Variants in SLC2A12 observed in about 807,000 individuals in gnomAD.
SLC2A12 encodes the protein solute carrier family 2, facilitated glucose transporter member 12.
A neutral mutation model predicts 41.8 loss-of-function variants in SLC2A12; 23 were observed. That is an observed-to-expected ratio of 0.55 (90% CI 0.40 to 0.78). The LOEUF (loss-of-function observed/expected upper bound fraction) is 0.78. Among genes scored for constraint, SLC2A12 ranks in the 30% least tolerant of loss-of-function variants. The pLI is 0.00. For missense variants in SLC2A12, 654 were observed against 745.6 expected (o/e 0.88, Z 1.43); for synonymous variants, 295 against 285.9 (o/e 1.03, Z -0.32).
intron 2 of SLC2A12, among the ~76,000 whole-genome samples, chr6:134,024,316 G>A (rs1318880952): frequency 6.6e-6 from 1 of 152,098 alleles, no homozygotes; most frequent in Admixed American, 6.5e-5. Flanking sequence ...CTTTTCCTCC[G>A]GCCTGCCCTG....
At chr6:134,021,258 A>G (rs887888234) in intron 2 of SLC2A12, among the ~76,000 whole-genome samples, 1 of 152,036 alleles carries the variant, frequency 6.6e-6, no homozygotes, top group African/African-American at 2.4e-5. Flanking sequence ...CCAATTTGAC[A>G]TTTTTCCTAT....
chr6:134,032,458 ATATATATTTTTATATATATATATATATAT>A (rs1777229661), intron 1 of SLC2A12, among the ~76,000 whole-genome samples: 1 of 35,708 alleles, frequency 2.8e-5, no homozygotes, highest in African/African-American at 1.3e-4. Flanking sequence ...AAATATATAT[ATATATATTTTTATATATATATATATATAT>A]TTGTTCTGTT....
intron 4 of SLC2A12, among the ~76,000 whole-genome samples, chr6:133,997,097 A>C (rs1478661716): frequency 6.7e-6 from 1 of 149,120 alleles, no homozygotes; most frequent in Non-Finnish European, 1.5e-5. Flanking sequence ...AAAAAAAAAA[A>C]AAAAAAAAAA....
intron 2 of SLC2A12, among the ~76,000 whole-genome samples, chr6:134,013,822 C>T (rs1357532652): frequency 6.6e-6 from 1 of 152,188 alleles, no homozygotes; most frequent in Non-Finnish European, 1.5e-5. Context: ...TGAACAGCTA[C>T]ACCAATATTT....
At chr6:134,016,293 T>A (rs930250029) in intron 2 of SLC2A12, among the ~76,000 whole-genome samples, 1 of 151,484 alleles carries the variant, frequency 6.6e-6, no homozygotes, top group Non-Finnish European at 1.5e-5. Flanking sequence ...AAAAAATAAA[T>A]AAATAAATAA....
At chr6:134,048,505 G>A (rs964690835) in intron 1 of SLC2A12, among the ~76,000 whole-genome samples, 1 of 152,106 alleles carries the variant, frequency 6.6e-6, no homozygotes, top group Non-Finnish European at 1.5e-5. Flanking sequence ...GGAGGCAGAG[G>A]TTGCAGTGAG....
chr6:133,992,536 A>G (rs917744811), intron 4 of SLC2A12, among the ~76,000 whole-genome samples: 1 of 152,224 alleles, frequency 6.6e-6, no homozygotes, highest in African/African-American at 2.4e-5. Flanking sequence ...AAGGCTTATC[A>G]GCATAGTTGT....
chr6:134,038,700 C>CT (rs200794350), intron 1 of SLC2A12, among the ~76,000 whole-genome samples: 9,100 of 81,940 alleles, frequency 0.11, 1,480 homozygotes, highest in African/African-American at 0.19. Context: ...CCTTTCTTTC[C>CT]TTTTTTTTTT....
chr6:134,010,454 G>A (rs187215259), intron 2 of SLC2A12, among the ~76,000 whole-genome samples: 16 of 152,292 alleles, frequency 1.1e-4, no homozygotes, highest in Middle Eastern at 3.4e-3. Flanking sequence ...AGCCACTGGA[G>A]TTCAGCAGGC....
At chr6:134,034,885 A>G (rs771336129) in intron 1 of SLC2A12, among the ~76,000 whole-genome samples, 8 of 152,142 alleles carry the variant, frequency 5.3e-5, no homozygotes, top group Non-Finnish European at 1.0e-4. Context: ...CATTTTGCTC[A>G]TGGCTTTGCT....
In SLC2A12 at chr6:133,987,647, TG is replaced by T. The variant is rs1448802043; in HGVS notation, c.*3507del. 2.9e-5 allele frequency: 4 copies of T among 136,484 alleles called. No individual in the cohort carries two copies. The highest frequency in any genetic ancestry group is 1.0e-4 in the African/African-American group (3 of 29,238). The allele number at this position is 136,484 out of a possible 1,614,324, so 8.5% of individuals were successfully genotyped here. A position where few individuals can be genotyped will look rare whatever the true frequency, so the allele number is the denominator to read the frequency against. On this transcript the variant is annotated 3_prime_UTR_variant, in exon 5 of 5. Coordinates refer to ENST00000275230, the MANE Select transcript of SLC2A12 (RefSeq NM_145176.3). ...TTTTGTGTGTGTGTGTGTGTGTGTG[TG>T]TATATATATATATATATATGCACCA...
At chr6:134,022,576 AAG>A (rs1159959934) in intron 2 of SLC2A12, among the ~76,000 whole-genome samples, 1 of 109,478 alleles carries the variant, frequency 9.1e-6, no homozygotes, top group Non-Finnish European at 1.8e-5. Context: ...AAGAAAAGAA[AAG>A]AAAAGAAAAG....
intron 1 of SLC2A12, among the ~76,000 whole-genome samples, chr6:134,032,781 ATATATATATAT>A (rs1371756072): frequency 2.0e-5 from 2 of 98,766 alleles, no homozygotes; most frequent in African/African-American, 4.9e-5. Flanking sequence ...TTTCACTGCT[ATATATATATAT>A]TATATATATA....
chr6:134,022,541 AAG>A (rs774482061), intron 2 of SLC2A12, among the ~76,000 whole-genome samples: 16 of 24,678 alleles, frequency 6.5e-4, no homozygotes, highest in Middle Eastern at 0.017. Context: ...CAAAAAAGAA[AAG>A]AAAAGAAAAG....
At chr6:134,045,402 A>C (rs1270027900) in intron 1 of SLC2A12, among the ~76,000 whole-genome samples, 2 of 152,164 alleles carry the variant, frequency 1.3e-5, no homozygotes, top group Admixed American at 1.3e-4. Context: ...TGTGCTACCC[A>C]AGACAAGTCC....
At chr6:134,010,832 G>A (rs926801282) in intron 2 of SLC2A12, among the ~76,000 whole-genome samples, 2 of 152,148 alleles carry the variant, frequency 1.3e-5, no homozygotes, top group African/African-American at 4.8e-5. Flanking sequence ...GGATTCATAG[G>A]GGTATTCAAT....
At chr6:134,040,550 G>A (rs769389596) in intron 1 of SLC2A12, among the ~76,000 whole-genome samples, 4 of 152,284 alleles carry the variant, frequency 2.6e-5, no homozygotes, top group South Asian at 4.1e-4. Flanking sequence ...TCCTGTTCCC[G>A]TTTCCTCAAA....
rs59102121 is a variant in SLC2A12, at chr6:133,987,648, G to GTATATATATATATATATATATATA, written c.*3506_*3507insTATATATATATATATATATATATA. The GTATATATATATATATATATATATA allele has an allele frequency of 7.9e-5, 7 of 88,390 alleles. No individual in the cohort carries two copies. The highest frequency in any genetic ancestry group is 2.2e-4 in the African/African-American group (6 of 27,574). 5.5% of individuals were successfully genotyped at this position (88,390 alleles called of 1,614,324 possible). A position where few individuals can be genotyped will look rare whatever the true frequency, so the allele number is the denominator to read the frequency against. ...TTTGTGTGTGTGTGTGTGTGTGTGT[G>GTATATATATATATATATATATATA]TATATATATATATATATATGCACCA... On this transcript the variant is annotated 3_prime_UTR_variant, in exon 5 of 5. Transcript: ENST00000275230.
chr6:134,034,839 C>T (rs979897903), intron 1 of SLC2A12, among the ~76,000 whole-genome samples: 2 of 152,140 alleles, frequency 1.3e-5, no homozygotes, highest in Non-Finnish European at 2.9e-5. Context: ...TCAAGTCAGT[C>T]TGCCTTTAAT....
Sources: gnomAD v4.1 joint callset for allele counts (sites outside exome capture counted in the v4.1 genomes callset) on GRCh38, gnomAD v4.1.1 for gene constraint, MANE v1.5 for transcripts, NCBI Gene and HGNC (gene_info 2026-07-23, HGNC 2026-07-21) for gene names.